TMTC2: variants seen among roughly 807,000 people sequenced by gnomAD.
TMTC2 encodes the protein protein O-mannosyl-transferase TMTC2.
In TMTC2, 43 loss-of-function variants were observed where a neutral mutation model predicts 82.4. The observed-to-expected ratio is 0.52, with a 90% CI of 0.41 to 0.67. TMTC2 has a LOEUF of 0.67. TMTC2 is among the 30% of genes least tolerant of loss of function. The probability of loss-of-function intolerance (pLI) is 0.00; values close to 1 mark genes in which losing one functional copy is unlikely to be tolerated. For synonymous variants in TMTC2, 408 were observed against 381.9 expected, an observed-to-expected ratio of 1.07 and a Z score of -0.80; for missense variants, 919 against 1,012.4, an observed-to-expected ratio of 0.91 and a Z score of 1.25.
At chr12:82,743,433 C>T (rs1044013435) in intron 1 of TMTC2, among the ~76,000 whole-genome samples, 12 of 144,586 alleles carry the variant, frequency 8.3e-5, no homozygotes, top group African/African-American at 2.3e-4. Flanking sequence ...GGCTACAGAG[C>T]GAGACTCCGT....
rs1402100973 is a variant in TMTC2, at chr12:82,865,782, G to A, written c.654+8202G>A. On this transcript the variant is annotated intron_variant, in intron 2 of 11. Coordinates refer to ENST00000321196, the MANE Select transcript of TMTC2 (RefSeq NM_152588.3). ...GGAAGTAAAGCACTCCTCAGCAAAT[G>A]TAAAAGAACAGAAATTATAACAAAC... Among the ~76,000 whole-genome samples the A allele has an allele frequency of 2.0e-5, 3 of 152,104 alleles. No individual in the cohort carries two copies. The East Asian group carries it at 5.8e-4, about 29-fold the overall frequency.
chr12:82,773,462 C>CT (rs1156750613), intron 1 of TMTC2, among the ~76,000 whole-genome samples: 5,608 of 129,762 alleles, frequency 0.043, 231 homozygotes, highest in African/African-American at 0.11. Flanking sequence ...AGTGATATTT[C>CT]TTTTTTTTTT....
At chr12:82,729,937 G>C (rs570118659) in intron 1 of TMTC2, among the ~76,000 whole-genome samples, 1 of 151,930 alleles carries the variant, frequency 6.6e-6, no homozygotes, top group Non-Finnish European at 1.5e-5. Context: ...CTCCAGATGC[G>C]CTGCTTAAAG....
chr12:82,877,666 T>C (rs183818187), intron 2 of TMTC2, among the ~76,000 whole-genome samples: 20 of 152,296 alleles, frequency 1.3e-4, no homozygotes, highest in African/African-American at 4.8e-4. Context: ...CTGTTCTTCA[T>C]TGATTAAAAA....
rs1871327906 is a variant in TMTC2, at chr12:82,857,608, G to A, written c.654+28G>A. 9.7e-6 allele frequency: 15 copies of A among 1,552,296 alleles called. No homozygotes were observed. The East Asian group carries it at 3.4e-4, about 35-fold the overall frequency. Reference sequence around the variant, plus strand: ...AAGTGATTGTTGGCTCTTGAGCATTGGATTACTGAGTAATCTACTTGCTTA... The same window carrying A: ...AAGTGATTGTTGGCTCTTGAGCATTAGATTACTGAGTAATCTACTTGCTTA... On this transcript the variant is annotated intron_variant, in intron 2 of 11. Coordinates refer to ENST00000321196, the MANE Select transcript of TMTC2 (RefSeq NM_152588.3).
intron 1 of TMTC2, among the ~76,000 whole-genome samples, chr12:82,731,095 T>A (rs762423159): frequency 7.2e-5 from 11 of 152,254 alleles, no homozygotes; most frequent in Non-Finnish European, 1.5e-4. Flanking sequence ...AGTGCTAGAC[T>A]TATCGGTGTT....
intron 8 of TMTC2, among the ~76,000 whole-genome samples, chr12:83,022,239 T>C (rs1349577331): frequency 6.6e-6 from 1 of 152,152 alleles, no homozygotes; most frequent in African/African-American, 2.4e-5. Context: ...GCTGCTGTGA[T>C]GTTTTCCTTG....
chr12:82,895,831 C>T lies in TMTC2; in HGVS notation c.668C>T (p.Ser223Leu), dbSNP rs753154903. Residue 223 changes from serine (S) to leucine (L), a missense_variant, in exon 3 of 12, where the codon TCG becomes TTG. Coordinates refer to ENST00000321196, the MANE Select transcript of TMTC2 (RefSeq NM_152588.3). ...LPTIYKRKNLSLFLSISLLIF... is the reference protein window; with the variant it reads ...LPTIYKRKNLLLFLSISLLIF... ...TTTTGGTTTCAGAGGAAGAACTTGT[C>T]GCTTTTCCTAAGCATTAGTTTGTTA... 20 of 1,604,496 alleles carry T rather than the reference C, an allele frequency of 1.2e-5. 1 individual carries two copies. Among genetic ancestry groups the T allele is most frequent in the South Asian group, 8.9e-5 (8 of 90,056 alleles).
rs942319270 is a variant in TMTC2, at chr12:83,132,495, C to G, written c.*106C>G. 9.1e-6 allele frequency: 12 copies of G among 1,323,584 alleles called. No homozygotes were observed. Among genetic ancestry groups the G allele is most frequent in the Non-Finnish European group, 1.3e-5 (12 of 959,338 alleles). The allele number at this position is 1,323,584 out of a possible 1,614,324, so 82.0% of individuals were successfully genotyped here. ...CAAGAGCTGGTGTTAGACTTCAAGA[C>G]CAGGGCAGAGGTCATTGAGGTCACT... On this transcript the variant is annotated 3_prime_UTR_variant, in exon 12 of 12. Coordinates refer to ENST00000321196, the MANE Select transcript of TMTC2 (RefSeq NM_152588.3).
At chr12:82,838,058 A>G (rs990981257) in intron 1 of TMTC2, among the ~76,000 whole-genome samples, 1 of 152,220 alleles carries the variant, frequency 6.6e-6, no homozygotes, top group African/African-American at 2.4e-5. Flanking sequence ...ATACTTGGAA[A>G]TCTAGAAAGT....
chr12:82,778,162 A>G (rs545420850), intron 1 of TMTC2, among the ~76,000 whole-genome samples: 3 of 152,244 alleles, frequency 2.0e-5, no homozygotes, highest in South Asian at 2.1e-4. Context: ...TTTATGTACA[A>G]TAGTCTCTCA....
chr12:82,794,412 G>C (rs922156365), intron 1 of TMTC2, among the ~76,000 whole-genome samples: 1 of 152,120 alleles, frequency 6.6e-6, no homozygotes, highest in Non-Finnish European at 1.5e-5. Flanking sequence ...TATATTGTTA[G>C]TGACATTTCA....
intron 9 of TMTC2, among the ~76,000 whole-genome samples, chr12:83,034,331 G>T (rs1343587850): frequency 6.6e-6 from 1 of 152,042 alleles, no homozygotes; most frequent in African/African-American, 2.4e-5. Flanking sequence ...AAGTTCAAAG[G>T]TCCAAGACAA....
chr12:83,000,541 C>A (rs570929975), intron 8 of TMTC2, among the ~76,000 whole-genome samples: 3 of 152,308 alleles, frequency 2.0e-5, no homozygotes, highest in Non-Finnish European at 4.4e-5. Flanking sequence ...GGCAGCTCCA[C>A]CCGTGTGACT....
chr12:82,938,802 T>C (rs1271390342), intron 4 of TMTC2, among the ~76,000 whole-genome samples: 1 of 152,148 alleles, frequency 6.6e-6, no homozygotes, highest in Non-Finnish European at 1.5e-5. Context: ...AACATTCAAA[T>C]AATAATACTG....
At chr12:82,751,329 T>C (rs963068376) in intron 1 of TMTC2, among the ~76,000 whole-genome samples, 2 of 150,100 alleles carry the variant, frequency 1.3e-5, no homozygotes, top group East Asian at 4.0e-4. Flanking sequence ...TAGGTGGGAA[T>C]TGAACAATGA....
At chr12:82,945,402 C>T (rs1007792738) in intron 4 of TMTC2, among the ~76,000 whole-genome samples, 10 of 152,136 alleles carry the variant, frequency 6.6e-5, no homozygotes, top group African/African-American at 2.4e-4. Flanking sequence ...TCATCCAGGA[C>T]ACTGTAGGTA....
chr12:82,961,231 T>C (rs1877915344), intron 4 of TMTC2, among the ~76,000 whole-genome samples: 1 of 128,232 alleles, frequency 7.8e-6, no homozygotes, highest in Non-Finnish European at 1.7e-5. Context: ...ATTATTATTA[T>C]TGTAACTATT....
chr12:82,842,000 A>C (rs188456771), intron 1 of TMTC2, among the ~76,000 whole-genome samples: 1 of 151,918 alleles, frequency 6.6e-6, no homozygotes, highest in Non-Finnish European at 1.5e-5. Flanking sequence ...GATTCCAGAC[A>C]AAATGCAATA....
Sources: gnomAD v4.1 joint callset for allele counts (sites outside exome capture counted in the v4.1 genomes callset) on GRCh38, gnomAD v4.1.1 for gene constraint, MANE v1.5 for transcripts, NCBI Gene and HGNC (gene_info 2026-07-23, HGNC 2026-07-21) for gene names.